FRMD6: variants seen among roughly 807,000 people sequenced by gnomAD.
The protein encoded by FRMD6 is FERM domain containing 6, also known as FERM domain-containing protein 6.
Under a neutral mutation model 73.2 loss-of-function variants are expected in FRMD6, and 37 were observed. The ratio of observed to expected loss-of-function variants is 0.51; its 90% CI spans 0.39 to 0.66. FRMD6 has a LOEUF of 0.66. Among genes scored for constraint, FRMD6 ranks in the 30% least tolerant of loss-of-function variants. The probability of loss-of-function intolerance (pLI) is 0.00; values close to 1 mark genes in which losing one functional copy is unlikely to be tolerated. For missense variants in FRMD6, 714 were observed against 780.5 expected (o/e 0.91, Z 1.02); for synonymous variants, 273 against 282.2 (o/e 0.97, Z 0.33).
intron 1 of FRMD6, among the ~76,000 whole-genome samples, chr14:51,512,553 T>G (rs1237242463): frequency 1.3e-5 from 2 of 152,156 alleles, no homozygotes; most frequent in East Asian, 3.8e-4. Flanking sequence ...TCCTTGCCCT[T>G]AAAGCTAGCC....
At chr14:51,533,052 C>G (rs1216731965) in intron 1 of FRMD6, among the ~76,000 whole-genome samples, 1 of 152,196 alleles carries the variant, frequency 6.6e-6, no homozygotes, top group Non-Finnish European at 1.5e-5. Context: ...GTCCTACAAC[C>G]AATAATGGTC....
At chr14:51,466,100 T>C in the FRMD6 span, among the ~76,000 whole-genome samples, 1 of 152,200 alleles carries the variant, frequency 6.6e-6, no homozygotes, top group Non-Finnish European at 1.5e-5. Context: ...GTACATTTCA[T>C]GAAGTGTTCG....
intron 1 of FRMD6, among the ~76,000 whole-genome samples, chr14:51,512,915 G>A (rs1884399404): frequency 6.6e-6 from 1 of 152,188 alleles, no homozygotes; most frequent in Non-Finnish European, 1.5e-5. Context: ...CACCTCAAGG[G>A]CCTCCTTCCC....
intron 1 of FRMD6, among the ~76,000 whole-genome samples, chr14:51,569,507 C>CTTT (rs34661155): frequency 1.4e-3 from 170 of 122,760 alleles, no homozygotes; most frequent in African/African-American, 3.5e-3. Flanking sequence ...TTCTTTCTTT[C>CTTT]TTTTTTTTTT....
At chr14:51,594,188 G>A (rs1000110074) in intron 2 of FRMD6, among the ~76,000 whole-genome samples, 23 of 152,198 alleles carry the variant, frequency 1.5e-4, no homozygotes, top group Admixed American at 5.9e-4. Context: ...GCAGTGGCGC[G>A]ATCTCGGCTC....
At chr14:51,584,841 T>C (rs1888933327) in intron 2 of FRMD6, among the ~76,000 whole-genome samples, 1 of 152,224 alleles carries the variant, frequency 6.6e-6, no homozygotes, top group Non-Finnish European at 1.5e-5. Context: ...GGCCTAAATT[T>C]GAATTCTGGT....
At chr14:51,696,207 T>G (rs965371287) in intron 2 of FRMD6, among the ~76,000 whole-genome samples, 2 of 151,572 alleles carry the variant, frequency 1.3e-5, no homozygotes, top group East Asian at 3.9e-4. Flanking sequence ...GATATGACTT[T>G]AAGCTTTCTG....
chr14:51,692,472 A>ATATG (rs1555337008), intron 2 of FRMD6, among the ~76,000 whole-genome samples: 1 of 150,500 alleles, frequency 6.6e-6, no homozygotes, highest in Non-Finnish European at 1.5e-5. Flanking sequence ...ACGTGGTGCA[A>ATATG]TGTGTGTGTG....
chr14:51,654,666 A>C (rs1892696673), intron 1 of FRMD6, among the ~76,000 whole-genome samples: 1 of 152,080 alleles, frequency 6.6e-6, no homozygotes, highest in African/African-American at 2.4e-5. Context: ...AATTCAGTCC[A>C]GATGTAAAAA....
chr14:51,475,524 C>T, the FRMD6 span, among the ~76,000 whole-genome samples: 5 of 152,198 alleles, frequency 3.3e-5, no homozygotes, highest in Non-Finnish European at 7.3e-5. Flanking sequence ...TTCCTCTCTA[C>T]ATACAGCATG....
At chr14:51,473,238 T>A in the FRMD6 span, among the ~76,000 whole-genome samples, 1 of 152,248 alleles carries the variant, frequency 6.6e-6, no homozygotes, top group African/African-American at 2.4e-5. Context: ...TATGTGTATG[T>A]GGTCTCAGCT....
At chr14:51,677,029 A>G (rs1198579636) in intron 1 of FRMD6, among the ~76,000 whole-genome samples, 2 of 151,710 alleles carry the variant, frequency 1.3e-5, no homozygotes, top group African/African-American at 4.8e-5. Flanking sequence ...TTTTTCCTTA[A>G]TGTTGTTTTT....
intron 1 of FRMD6, among the ~76,000 whole-genome samples, chr14:51,682,428 T>TAATG (rs1476826651): frequency 6.6e-6 from 1 of 152,102 alleles, no homozygotes; most frequent in African/African-American, 2.4e-5. Flanking sequence ...AACAGTGAAT[T>TAATG]AATGAATGAA....
At chr14:51,599,487 C>T (rs146928501) in intron 2 of FRMD6, among the ~76,000 whole-genome samples, 2,785 of 152,088 alleles carry the variant, frequency 0.018, 68 homozygotes, top group East Asian at 0.072. Flanking sequence ...CAAAAATTGG[C>T]AAATAGGACC....
At chr14:51,415,843 T>C in the FRMD6 span, among the ~76,000 whole-genome samples, 1 of 152,250 alleles carries the variant, frequency 6.6e-6, no homozygotes, top group Admixed American at 6.5e-5. Flanking sequence ...CTGTTATTGG[T>C]CTATTCAGAG....
chr14:51,619,140 T>G lies in FRMD6; in HGVS notation c.-147+48730T>G, dbSNP rs2139910948. 2.0e-5 allele frequency among the ~76,000 whole-genome samples: 3 copies of G among 152,008 alleles called. No individual in the cohort carries two copies. The Middle Eastern group carries it at 0.01, about 521-fold the overall frequency. ...TAAGTTTTATACAAAAATGTCCTGG[T>G]CTTGATTCAGTAAAGCGCAAGTCTT... On this transcript the variant is annotated intron_variant, in intron 2 of 14. Transcript: ENST00000356218.
At chr14:51,463,460 C>A in the FRMD6 span, among the ~76,000 whole-genome samples, 1 of 152,128 alleles carries the variant, frequency 6.6e-6, no homozygotes, top group African/African-American at 2.4e-5. Flanking sequence ...GGAATTTTTC[C>A]CCCAGAAAAT....
intron 1 of FRMD6, among the ~76,000 whole-genome samples, chr14:51,529,732 G>A (rs531753867): frequency 6.6e-6 from 1 of 152,280 alleles, no homozygotes; most frequent in South Asian, 2.1e-4. Context: ...CCTGGCAAAA[G>A]CACCTGAGGT....
intron 1 of FRMD6, among the ~76,000 whole-genome samples, chr14:51,502,158 C>T (rs1883663405): frequency 6.6e-6 from 1 of 152,158 alleles, no homozygotes; most frequent in African/African-American, 2.4e-5. Flanking sequence ...TGTCTGTTCA[C>T]TCTGATTATA....
Sources: allele counts gnomAD v4.1 joint callset (sites outside exome capture counted in the v4.1 genomes callset), GRCh38; gene constraint gnomAD v4.1.1; transcripts MANE v1.5; gene names NCBI Gene and HGNC (gene_info 2026-07-23, HGNC 2026-07-21).